The following CAD variants were observed in gnomAD, a reference collection of about 807,000 sequenced individuals.
CAD encodes the protein carbamoyl-phosphate synthetase 2, aspartate transcarbamylase, and dihydroorotase.
CAD carries 81 observed loss-of-function variants against 237.2 expected under a neutral mutation model. The ratio of observed to expected loss-of-function variants is 0.34; its 90% CI spans 0.29 to 0.41. The LOEUF is 0.41. CAD is among the 10% of genes least tolerant of loss of function. The pLI, the probability that CAD is intolerant of heterozygous loss-of-function variation, is 1.00. For synonymous variants in CAD, 1,196 were observed against 1,162.8 expected, an observed-to-expected ratio of 1.03 and a Z score of -0.58; for missense variants, 2,181 against 2,951.7, an observed-to-expected ratio of 0.74 and a Z score of 6.05.
At chr2:27,217,674 G>C (rs774407345) in intron 1 of CAD, 41 bp downstream of exon 1, 2 of 1,520,776 alleles carry the variant, frequency 1.3e-6, no homozygotes, top group Non-Finnish European at 1.8e-6. Context: ...ATCCCACTCT[G>C]TGATGCGCCT....
intron 5 of CAD, 66 bp downstream of exon 5, chr2:27,222,726 C>G: frequency 6.3e-7 from 1 of 1,592,448 alleles, no homozygotes; most frequent in Non-Finnish European, 8.6e-7. Context: ...ATCCCTTGGT[C>G]CAATTGCTAA....
rs1306676695 is a variant in CAD at position 27,240,298 on chromosome 2, C to T, written c.5530C>T (p.Leu1844Phe). The T allele has an allele frequency of 6.2e-7, 1 of 1,614,116 alleles. No homozygotes were observed. Among genetic ancestry groups the T allele is most frequent in the South Asian group, 1.1e-5 (1 of 91,080 alleles). Residue 1844 changes from leucine to phenylalanine, a missense_variant, in exon 35 of 44, where the codon CTT (leucine) becomes TTT (phenylalanine). By Grantham distance (22) the Leu-to-Phe change is conservative. Around this residue, in one of 12 missense-constraint regions of CAD, gnomAD observed 478 missense variants for 515.0 expected, o/e 0.93. Coordinates refer to ENST00000264705, the MANE Select transcript of CAD (RefSeq NM_004341.5). The surrounding 1 kb of genome is among the most constrained non-coding windows in gnomAD (Gnocchi z 4.6). ...PERPRRGIPG[L>F]PDGRFHLPPR... Reference sequence around the variant, plus strand: ...AAGACCCCGCCGTGGCATCCCAGGGCTTCCTGATGGCCGCTTCCATCTGCC... The same window carrying T: ...AAGACCCCGCCGTGGCATCCCAGGGTTTCCTGATGGCCGCTTCCATCTGCC...
At position 27,232,642 on chromosome 2, in the gene CAD, C is replaced by T; in HGVS notation, c.2840C>T (p.Ser947Phe). The change falls in exon 18 of 44, where the codon TCT becomes TTT. Residue 947 changes from serine (S) to phenylalanine (F), a missense_variant. Around this residue, in one of 12 missense-constraint regions of CAD, gnomAD observed 385 missense variants for 535.1 expected, o/e 0.72. Transcript: ENST00000264705. The surrounding 1 kb of genome is among the most constrained non-coding windows in gnomAD (Gnocchi z 4.1). ...VLGSGVYRIG[S>F]SVEFDWCAVG... Reference sequence around the variant, plus strand: ...GGCTCTGGCGTCTACCGTATTGGCTCTAGCGTTGAATTTGACTGGTGTGCT... The same window carrying T: ...GGCTCTGGCGTCTACCGTATTGGCTTTAGCGTTGAATTTGACTGGTGTGCT... The T allele has an allele frequency of 6.2e-7, 1 of 1,614,228 alleles. No homozygotes were observed. Among genetic ancestry groups the T allele is most frequent in the Non-Finnish European group, 8.5e-7 (1 of 1,180,038 alleles).
At position 27,223,662 on chromosome 2, in the gene CAD, A is replaced by G. The variant is rs771196504; in HGVS notation, c.909A>G (p.Ser303=). The G allele has an allele frequency of 1.9e-6, 3 of 1,614,134 alleles. No homozygotes were observed. The South Asian group carries it at 3.3e-5, about 18-fold the overall frequency. ...QNHGFAVETD[S]LPADWAPLFT... ...ATGGGTTTGCTGTGGAGACAGACTC[A>G]CTGCCAGCAGACTGGGCTCCTCTCT... The change falls in exon 7 of 44, where the codon TCA becomes TCG. Residue 303 remains serine, a synonymous_variant. Transcript: ENST00000264705.
chr2:27,232,482 C>T lies in CAD; in HGVS notation c.2680C>T (p.Leu894=), dbSNP rs369582294. The T allele has an allele frequency of 1.9e-5, 31 of 1,614,240 alleles. No homozygotes were observed. Among genetic ancestry groups the T allele is most frequent in the Non-Finnish European group, 2.2e-5 (26 of 1,180,042 alleles). ...ELAVRKLRQE[L]GICPAVKQID... ...GGCTGTTCGCAAGCTGCGTCAGGAA[C>T]TGGGGATCTGTCCAGCAGTGAAACA... The change falls in exon 18 of 44, where the codon CTG becomes TTG. Residue 894 remains leucine, a synonymous_variant. Transcript: ENST00000264705. This position sits in a 1 kb window ranked among gnomAD's most constrained non-coding sequence, Gnocchi z 4.1.
chr2:27,241,936 A>G lies in CAD; in HGVS notation c.5909A>G (p.Tyr1970Cys). The part of the protein sequence containing the change: ...LKGKVMASMF[Y>C]EVSTRTSSSF... ...GGGAAGGTCATGGCCTCCATGTTCT[A>G]TGAAGTGAGCACACGGACCAGCAGC... The change falls in exon 39 of 44, where the codon TAT (tyrosine) becomes TGT (cysteine). Residue 1970 changes from tyrosine to cysteine, a missense_variant. Around this residue, in one of 12 missense-constraint regions of CAD, gnomAD observed 203 missense variants for 284.5 expected, o/e 0.71. Coordinates refer to ENST00000264705, the MANE Select transcript of CAD (RefSeq NM_004341.5). This position sits in a 1 kb window ranked among gnomAD's most constrained non-coding sequence, Gnocchi z 4.6. 1.9e-6 allele frequency: 3 copies of G among 1,613,676 alleles called. No individual in the cohort carries two copies. The highest frequency in any genetic ancestry group is 1.7e-5 in the Admixed American group (1 of 60,030).
Position 27,226,240 on chromosome 2 carries a change from C to G in CAD, c.1952C>G (p.Thr651Arg). 6.2e-7 allele frequency: 1 copy of G among 1,614,124 alleles called. No homozygotes were observed. The highest frequency in any genetic ancestry group is 8.5e-7 in the Non-Finnish European group (1 of 1,179,944). Residue 651 changes from threonine (T) to arginine (R), a missense_variant, in exon 13 of 44, where the codon ACA becomes AGA. Physicochemically the swap from Thr to Arg is moderately conservative, Grantham distance 71 (BLOSUM62 -1). Coordinates refer to ENST00000264705, the MANE Select transcript of CAD (RefSeq NM_004341.5). ...AGGGAGTATCAGCTCCTGAGGCAGA[C>G]AGCTATCAAGGTGACCCAGCACCTG... ...NDREYQLLRQ[T>R]AIKVTQHLGI...
chr2:27,242,697 C>G lies in CAD; in HGVS notation c.6300C>G (p.Ser2100Arg). 1 of 1,614,128 alleles carries G rather than the reference C, an allele frequency of 6.2e-7. No homozygotes were observed. The highest frequency in any genetic ancestry group is 8.5e-7 in the Non-Finnish European group (1 of 1,179,996). The change falls in exon 41 of 44, where the codon AGC becomes AGG. Residue 2100 changes from serine to arginine, a missense_variant. Ser to Arg is a moderately radical substitution (Grantham distance 110). Transcript: ENST00000264705. This position sits in a 1 kb window ranked among gnomAD's most constrained non-coding sequence, Gnocchi z 6.4. ...LACLLTQYRV[S>R]LRYVAPPSLR... ...GCCTGCTCACCCAGTATCGTGTCAG[C>G]CTGCGCTACGTGGCACCTCCCAGCC...
At position 27,238,437 on chromosome 2, in the gene CAD, C is replaced by T; in HGVS notation, c.4867C>T (p.Leu1623=). Residue 1623 remains leucine (L), a synonymous_variant, in exon 31 of 44, where the codon CTA becomes TTA. Transcript: ENST00000264705. ...CHVARKEEIL[L]IKAAKARGLP... The stretch of plus-strand genomic sequence containing the variant: ...TCTTCCCATTGTTCCCCAGATCCTG[C>T]TAATTAAAGCTGCAAAGGCACGGGG... 1.3e-6 allele frequency: 2 copies of T among 1,573,012 alleles called. No homozygotes were observed. The highest frequency in any genetic ancestry group is 1.7e-6 in the Non-Finnish European group (2 of 1,158,504).
Position 27,240,469 on chromosome 2 carries a change from C to G in CAD, c.5593+108C>G. On this transcript the variant is annotated intron_variant, in intron 35 of 43. Transcript: ENST00000264705. The surrounding 1 kb of genome is among the most constrained non-coding windows in gnomAD (Gnocchi z 4.6). ...ATGTCCTCCTCTCCATCCCTTTATC[C>G]TCGTCTGATCTGCCGTGCCATCCTT... The G allele has an allele frequency of 6.8e-7, 1 of 1,481,370 alleles. No individual in the cohort carries two copies. Among genetic ancestry groups the G allele is most frequent in the Non-Finnish European group, 9.4e-7 (1 of 1,067,796 alleles). The allele number at this position is 1,481,370 out of a possible 1,614,324, so 91.8% of individuals were successfully genotyped here.
In CAD at chr2:27,239,035, C is replaced by G. The variant is rs376021058; in HGVS notation, c.5063-7C>G. 1.9e-6 allele frequency: 3 copies of G among 1,540,590 alleles called. No homozygotes were observed. The highest frequency in any genetic ancestry group is 2.1e-5 in the Admixed American group (1 of 47,148). On this transcript the variant is annotated splice_region_variant and splice_polypyrimidine_tract_variant and intron_variant, in intron 31 of 43. Transcript: ENST00000264705. The surrounding 1 kb of genome is among the most constrained non-coding windows in gnomAD (Gnocchi z 4.0). The stretch of plus-strand genomic sequence containing the variant: ...GGTCCTGAGGGTAATGGCTTTCTTT[C>G]TCCCAGCTCCCCATACCTTGGAGGA...
At position 27,222,940 on chromosome 2, in the gene CAD, C is replaced by A. The variant is rs1031546164; in HGVS notation, c.712C>A (p.Arg238Ser). The A allele has an allele frequency of 2.5e-6, 4 of 1,613,996 alleles. No individual in the cohort carries two copies. The Admixed American group carries it at 6.7e-5, about 27-fold the overall frequency. ...TCCCAGTGTCGTATCCACACTGAGC[C>A]GTGTTTTATCTGAGCCTAATCCCCG... The part of the protein sequence containing the change: ...SYPSVVSTLS[R>S]VLSEPNPRPV... The change falls in exon 6 of 44, where the codon CGT becomes AGT. Residue 238 changes from arginine (R) to serine (S), a missense_variant. Physicochemically the swap from Arg to Ser is moderately radical, Grantham distance 110. This residue lies in a region of CAD where 314 missense variants were observed against 339.4 expected (regional missense o/e 0.93). Coordinates refer to ENST00000264705, the MANE Select transcript of CAD (RefSeq NM_004341.5).
Position 27,238,093 on chromosome 2 carries a change from C to T in CAD, c.4766C>T (p.Ala1589Val), listed in dbSNP as rs751450419. ...ETWPSHLPIV[A>V]HAEQQTVAAV... is the part of the protein sequence containing the mutation. ...TGGCCCTCCCACCTCCCCATTGTGG[C>T]TCACGCAGAGCAGCAAACCGTGGCT... The change falls in exon 30 of 44, where the codon GCT (alanine) becomes GTT (valine). Residue 1589 changes from alanine to valine, a missense_variant. Transcript: ENST00000264705. 5.0e-6 allele frequency: 8 copies of T among 1,614,238 alleles called. No homozygotes were observed. Among genetic ancestry groups the T allele is most frequent in the Non-Finnish European group, 5.9e-6 (7 of 1,180,040 alleles).
Position 27,235,218 on chromosome 2 carries a change from C to A in CAD, c.3787-27C>A. 1 of 1,576,504 alleles carries A rather than the reference C, an allele frequency of 6.3e-7. No individual in the cohort carries two copies. The highest frequency in any genetic ancestry group is 8.6e-7 in the Non-Finnish European group (1 of 1,159,692). On this transcript the variant is annotated intron_variant, in intron 23 of 43. Coordinates refer to ENST00000264705, the MANE Select transcript of CAD (RefSeq NM_004341.5). The surrounding 1 kb of genome is among the most constrained non-coding windows in gnomAD (Gnocchi z 5.2). ...GGAGGAGGTCCTCTCACACCTTGGC[C>A]CTCTCTCTTCCCTCCCGCCCCTTTA...
In CAD at chr2:27,237,487, C is replaced by T. The variant is rs751379005; in HGVS notation, c.4505C>T (p.Ala1502Val). The T allele has an allele frequency of 1.2e-6, 2 of 1,614,028 alleles. No individual in the cohort carries two copies. The highest frequency in any genetic ancestry group is 1.3e-5 in the African/African-American group (1 of 74,944). ...ALAGGITMVC[A>V]MPNTRPPIID... is the part of the protein sequence containing the mutation. ...GCTGGGGGTATCACCATGGTGTGTG[C>T]CATGCCTAATACCCGGCCCCCCATC... Residue 1502 changes from alanine to valine, a missense_variant, in exon 28 of 44, where the codon GCC (alanine) becomes GTC (valine). Coordinates refer to ENST00000264705, the MANE Select transcript of CAD (RefSeq NM_004341.5). This position sits in a 1 kb window ranked among gnomAD's most constrained non-coding sequence, Gnocchi z 4.0.
rs144685073 is a variant in CAD, at chr2:27,235,541, A to G, written c.3975A>G (p.Lys1325=). Reference sequence around the variant, plus strand: ...ATCCTTCTGTTTGGTTTCAGAACAAAAGCGAGCTGCTCCCAACTGTGCGGC... The same window carrying G: ...ATCCTTCTGTTTGGTTTCAGAACAAGAGCGAGCTGCTCCCAACTGTGCGGC... The part of the protein sequence containing the change: ...ILLTIGSYKN[K]SELLPTVRLL... The change falls in exon 25 of 44, where the codon AAA becomes AAG. Residue 1325 remains lysine, a synonymous_variant. Coordinates refer to ENST00000264705, the MANE Select transcript of CAD (RefSeq NM_004341.5). The surrounding 1 kb of genome is among the most constrained non-coding windows in gnomAD (Gnocchi z 5.2). The G allele has an allele frequency of 3.0e-3, 4,892 of 1,614,138 alleles. 19 individuals carry two copies. The highest frequency in any genetic ancestry group is 6.5e-3 in the South Asian group (594 of 91,082).
chr2:27,219,315 G>T (rs1381276622), intron 2 of CAD, among the ~76,000 whole-genome samples: 1 of 151,888 alleles, frequency 6.6e-6, no homozygotes, highest in Non-Finnish European at 1.5e-5. Flanking sequence ...GCTATTAAAC[G>T]CTTATCTATT....
At position 27,237,318 on chromosome 2, in the gene CAD, C is replaced by G. The variant is rs978462813; in HGVS notation, c.4397-61C>G. On this transcript the variant is annotated intron_variant, in intron 27 of 43. Transcript: ENST00000264705. The surrounding 1 kb of genome is among the most constrained non-coding windows in gnomAD (Gnocchi z 4.0). ...GGATTACAGGCGTGAGCCACCATGT[C>G]CAGCTCACCCTTCCTATTTCTGAAT... The G allele has an allele frequency of 2.6e-6, 4 of 1,552,482 alleles. No individual in the cohort carries two copies. Among genetic ancestry groups the G allele is most frequent in the Non-Finnish European group, 3.5e-6 (4 of 1,129,226 alleles).
rs1275381072 is a variant in CAD at position 27,241,866 on chromosome 2, G to A, written c.5884-45G>A. On this transcript the variant is annotated intron_variant, in intron 38 of 43. Coordinates refer to ENST00000264705, the MANE Select transcript of CAD (RefSeq NM_004341.5). The surrounding 1 kb of genome is among the most constrained non-coding windows in gnomAD (Gnocchi z 4.6). ...GTGGTGCCTAGCTGGGGTTTCCCCA[G>A]GGTGGACACGCATACGTACACCTTC... The A allele has an allele frequency of 2.0e-6, 3 of 1,528,066 alleles. No individual in the cohort carries two copies. In the Admixed American group the frequency reaches 5.1e-5, roughly 26 times the overall value. 94.7% of individuals were successfully genotyped at this position (1,528,066 alleles called of 1,614,324 possible).
Sources: allele counts gnomAD v4.1 joint callset (sites outside exome capture counted in the v4.1 genomes callset), GRCh38; gene constraint gnomAD v4.1.1; regional missense constraint gnomAD v4.1.1; non-coding constraint Gnocchi (gnomAD v3.1); transcripts MANE v1.5; gene names NCBI Gene and HGNC (gene_info 2026-07-23, HGNC 2026-07-21).